Variants in CNTN4 observed in about 807,000 individuals in gnomAD.
The protein encoded by CNTN4 is contactin-4.
A neutral mutation model predicts 122.5 loss-of-function variants in CNTN4; 77 were observed. The observed-to-expected ratio is 0.63, with a 90% CI of 0.52 to 0.76. CNTN4 has a LOEUF of 0.76. CNTN4 is among the 30% of genes least tolerant of loss of function. The probability of loss-of-function intolerance (pLI) is 0.00; values close to 1 mark genes in which losing one functional copy is unlikely to be tolerated. For missense variants in CNTN4, 1,256 were observed against 1,259.1 expected, an observed-to-expected ratio of 1.00 and a Z score of 0.04; for synonymous variants, 512 against 447.0, an observed-to-expected ratio of 1.15 and a Z score of -1.83.
chr3:2,547,366 C>T (rs1032307676), intron 3 of CNTN4, among the ~76,000 whole-genome samples: 3 of 151,900 alleles, frequency 2.0e-5, no homozygotes, highest in African/African-American at 4.8e-5. Flanking sequence ...TGCATTCAAG[C>T]GATTCTTTGG....
At chr3:2,381,323 G>C (rs2046014244) in intron 3 of CNTN4, among the ~76,000 whole-genome samples, 1 of 152,016 alleles carries the variant, frequency 6.6e-6, no homozygotes, top group African/African-American at 2.4e-5. Flanking sequence ...GTTTTTTCTA[G>C]AGAGAAATGG....
At chr3:2,448,656 A>G (rs2048714339) in intron 3 of CNTN4, among the ~76,000 whole-genome samples, 1 of 152,210 alleles carries the variant, frequency 6.6e-6, no homozygotes. Flanking sequence ...GAATGGATAT[A>G]TTCTGCTAGT....
At chr3:2,722,673 C>G (rs750408471) in intron 4 of CNTN4, among the ~76,000 whole-genome samples, 4 of 152,174 alleles carry the variant, frequency 2.6e-5, no homozygotes, top group Non-Finnish European at 5.9e-5. Flanking sequence ...TTTTCTGCTG[C>G]CATTTATCCT....
intron 7 of CNTN4, among the ~76,000 whole-genome samples, chr3:2,828,033 C>T (rs181095253): frequency 2.2e-4 from 34 of 152,100 alleles, no homozygotes; most frequent in African/African-American, 7.7e-4. Flanking sequence ...ATATTGGGAA[C>T]ATGATTGAAG....
chr3:2,842,118 G>C (rs1385290028), intron 7 of CNTN4, among the ~76,000 whole-genome samples: 1 of 152,060 alleles, frequency 6.6e-6, no homozygotes, highest in South Asian at 2.1e-4. Flanking sequence ...TAAGGGCAAC[G>C]GAAAGCCATG....
At chr3:2,235,370 T>C (rs1340783129) in intron 2 of CNTN4, among the ~76,000 whole-genome samples, 1 of 152,178 alleles carries the variant, frequency 6.6e-6, no homozygotes, top group Non-Finnish European at 1.5e-5. Flanking sequence ...CAAATATCTA[T>C]CCAGGAAAGG....
intron 6 of CNTN4, among the ~76,000 whole-genome samples, chr3:2,810,863 G>C (rs757059573): frequency 6.6e-6 from 1 of 152,118 alleles, no homozygotes; most frequent in Non-Finnish European, 1.5e-5. Flanking sequence ...TGACCGAAGA[G>C]GGTGACAAAA....
intron 2 of CNTN4, among the ~76,000 whole-genome samples, chr3:2,102,393 G>A (rs1327791928): frequency 2.0e-5 from 3 of 152,176 alleles, no homozygotes; most frequent in African/African-American, 7.2e-5. Context: ...ACGGCATCAC[G>A]ATAGGGATTA....
chr3:2,602,072 A>G (rs903145624), intron 4 of CNTN4, among the ~76,000 whole-genome samples: 6 of 152,180 alleles, frequency 3.9e-5, no homozygotes, highest in African/African-American at 7.2e-5. Flanking sequence ...TCAATAAACT[A>G]GGTATTGATG....
At chr3:2,847,179 G>A (rs1268094474) in intron 7 of CNTN4, among the ~76,000 whole-genome samples, 26 of 126,902 alleles carry the variant, frequency 2.0e-4, no homozygotes, top group Admixed American at 1.1e-3. Flanking sequence ...AAAAAAAAAA[G>A]ATAGACTTGG....
At chr3:2,313,029 G>C (rs2042969919) in intron 2 of CNTN4, among the ~76,000 whole-genome samples, 1 of 151,862 alleles carries the variant, frequency 6.6e-6, no homozygotes, top group South Asian at 2.1e-4. Context: ...ATGACATATT[G>C]TAAATAAAAT....
intron 4 of CNTN4, among the ~76,000 whole-genome samples, chr3:2,694,923 T>G (rs907682927): frequency 6.6e-6 from 1 of 152,218 alleles, no homozygotes; most frequent in Admixed American, 6.5e-5. Context: ...CCCTGAAGGC[T>G]TATAAATGAA....
intron 3 of CNTN4, among the ~76,000 whole-genome samples, chr3:2,444,075 T>G (rs186413099): frequency 1.9e-3 from 288 of 152,244 alleles, no homozygotes; most frequent in Middle Eastern, 6.8e-3. Flanking sequence ...GCAATGTAAT[T>G]TTGTATATAT....
chr3:2,670,252 C>G (rs7617744), intron 4 of CNTN4, among the ~76,000 whole-genome samples: 29,536 of 152,042 alleles, frequency 0.19, 3,180 homozygotes, highest in African/African-American at 0.29. Context: ...TCTCTAAGGA[C>G]TTGCTTTATG....
At chr3:2,641,506 G>C (rs1433919766) in intron 4 of CNTN4, among the ~76,000 whole-genome samples, 2 of 152,124 alleles carry the variant, frequency 1.3e-5, no homozygotes, top group Non-Finnish European at 2.9e-5. Context: ...AAATTCTCCA[G>C]TGGAGAATGA....
At chr3:2,574,206 A>G (rs774335710) in intron 4 of CNTN4, among the ~76,000 whole-genome samples, 2 of 152,178 alleles carry the variant, frequency 1.3e-5, no homozygotes, top group African/African-American at 4.8e-5. Flanking sequence ...ACAAGAGTGA[A>G]ACTCCATCTC....
chr3:2,520,938 A>G (rs944727767), intron 3 of CNTN4, among the ~76,000 whole-genome samples: 1 of 152,162 alleles, frequency 6.6e-6, no homozygotes, highest in Non-Finnish European at 1.5e-5. Context: ...GTTCAGAGAT[A>G]GAAAATGAAC....
intron 2 of CNTN4, among the ~76,000 whole-genome samples, chr3:2,227,066 A>G (rs2039311640): frequency 6.6e-6 from 1 of 152,144 alleles, no homozygotes; most frequent in Non-Finnish European, 1.5e-5. Context: ...ACCCTATTCT[A>G]TGCTGCATTC....
chr3:2,212,261 C>T (rs62247012), intron 2 of CNTN4, among the ~76,000 whole-genome samples: 27,443 of 152,122 alleles, frequency 0.18, 2,858 homozygotes, highest in Admixed American at 0.33. Context: ...AGGCATGAGA[C>T]ACCACATCAG....
Sources: allele counts gnomAD v4.1 joint callset (sites outside exome capture counted in the v4.1 genomes callset), GRCh38; gene constraint gnomAD v4.1.1; transcripts MANE v1.5; gene names NCBI Gene and HGNC (gene_info 2026-07-23, HGNC 2026-07-21).